Variants in API5 observed in about 807,000 individuals in gnomAD.
API5 encodes the protein apoptosis inhibitor 5, also known as FIF.
A neutral mutation model predicts 71.9 loss-of-function variants in API5; 6 were observed. The ratio of observed to expected loss-of-function variants is 0.08; its 90% confidence interval spans 0.05 to 0.16. The LOEUF is 0.16. Among genes scored for constraint, API5 ranks in the 10% least tolerant of loss-of-function variants. The pLI, the probability that API5 is intolerant of heterozygous loss-of-function variation, is 1.00. For synonymous variants in API5, 189 were observed against 221.3 expected (o/e 0.85, Z 1.30); for missense variants, 332 against 612.8 (o/e 0.54, Z 4.84).
chr11:43,316,911 T>C (rs887463003), intron 1 of API5, among the ~76,000 whole-genome samples: 2 of 152,238 alleles, frequency 1.3e-5, no homozygotes, highest in Non-Finnish European at 2.9e-5. Flanking sequence ...CTGCATTTCA[T>C]GAAGAAGTTA....
In API5 at chr11:43,320,873, T is replaced by C. The variant is rs773245544; in HGVS notation, c.284T>C (p.Leu95Pro). 1 of 1,612,194 alleles carries C rather than the reference T, an allele frequency of 6.2e-7. No homozygotes were observed. The highest frequency in any genetic ancestry group is 1.1e-5 in the South Asian group (1 of 90,934). Residue 95 changes from leucine to proline, a missense_variant, in exon 3 of 14, where the codon CTT becomes CCT. Around this residue, in one of 3 missense-constraint regions of API5, gnomAD observed 127 missense variants for 237.6 expected, o/e 0.53. Transcript: ENST00000531273. Reference sequence around the variant, plus strand: ...CCTCAATTTGCCACTGGAGAAAATCTTCCTCGAGTGGCAGATATACTAACG... The same window carrying C: ...CCTCAATTTGCCACTGGAGAAAATCCTCCTCGAGTGGCAGATATACTAACG... ...ELPQFATGEN[L>P]PRVADILTQL... is the part of the protein sequence containing the mutation.
In API5 at chr11:43,312,122, C is replaced by T. The variant is rs1854493280; in HGVS notation, c.-6C>T. 2 of 1,613,516 alleles carry T rather than the reference C, an allele frequency of 1.2e-6. No individual in the cohort carries two copies. The highest frequency in any genetic ancestry group is 3.3e-5 in the Admixed American group (2 of 60,010). On this transcript the variant is annotated 5_prime_UTR_variant, in exon 1 of 14. Coordinates refer to ENST00000531273, the MANE Select transcript of API5 (RefSeq NM_001142930.2). Reference sequence around the variant, plus strand: ...GCGGAACCGGGCCCTGGGCTTGTCGCTCACCATGCCGACAGTAGAGGAGCT... The same window carrying T: ...GCGGAACCGGGCCCTGGGCTTGTCGTTCACCATGCCGACAGTAGAGGAGCT...
chr11:43,328,916 C>T, intron 9 of API5, 23 bp downstream of exon 9: 1 of 1,611,696 alleles, frequency 6.2e-7, no homozygotes, highest in Non-Finnish European at 8.5e-7. Flanking sequence ...TGAGGTGGCT[C>T]AATCCTTGGC....
intron 11 of API5, among the ~76,000 whole-genome samples, chr11:43,334,463 G>A (rs7934240): frequency 0.56 from 85,560 of 151,898 alleles, 24,983 homozygotes; most frequent in African/African-American, 0.69. Flanking sequence ...TATATAGTAC[G>A]CTGGACTTAA....
intron 11 of API5, among the ~76,000 whole-genome samples, chr11:43,334,206 T>G (rs1480670230): frequency 6.6e-6 from 1 of 152,174 alleles, no homozygotes; most frequent in Non-Finnish European, 1.5e-5. Flanking sequence ...TTGACATTTC[T>G]TGCAATCTTT....
intron 10 of API5, 124 bp from the exon 11 acceptor site, chr11:43,330,384 G>A: frequency 1.3e-6 from 1 of 781,558 alleles, no homozygotes; most frequent in South Asian, 1.5e-5. Flanking sequence ...TTAAACCAAG[G>A]AATTCTGTAA....
rs150954471 is a variant in API5, at chr11:43,317,670, A to G, written c.70-970A>G. ...ATTCTTTGTGAATTCTATGGTATTC[A>G]TGATGATTTATTTATTTACTTGTTT... On this transcript the variant is annotated intron_variant, in intron 1 of 13. Coordinates refer to ENST00000531273, the MANE Select transcript of API5 (RefSeq NM_001142930.2). Among the ~76,000 whole-genome samples, 144 of 152,256 alleles carry G rather than the reference A, an allele frequency of 9.5e-4. 1 individual carries two copies. In the Middle Eastern group the frequency reaches 0.014, roughly 14 times the overall value.
intron 1 of API5, among the ~76,000 whole-genome samples, chr11:43,318,252 A>AC (rs1854744350): frequency 6.7e-6 from 1 of 149,576 alleles, no homozygotes; most frequent in Non-Finnish European, 1.5e-5. Context: ...CAGGTGATCC[A>AC]CCCACCTTGG....
chr11:43,336,986 C>T (rs1258764643), intron 13 of API5, among the ~76,000 whole-genome samples: 3 of 126,798 alleles, frequency 2.4e-5, no homozygotes, highest in Admixed American at 1.9e-4. Context: ...CCAGCCTAGG[C>T]GACAGAGCAA....
chr11:43,339,986 T>C (rs1855560085), intron 13 of API5, among the ~76,000 whole-genome samples: 1 of 152,110 alleles, frequency 6.6e-6, no homozygotes, highest in African/African-American at 2.4e-5. Flanking sequence ...CAAACTAGAA[T>C]GGAGAAGTCA....
chr11:43,328,950 T>A (rs764208805), intron 9 of API5, 57 bp downstream of exon 9: 17 of 1,581,220 alleles, frequency 1.1e-5, no homozygotes, highest in Admixed American at 1.7e-5. Context: ...ATCCTGAAGT[T>A]CCTTGGGTTT....
chr11:43,323,432 C>G lies in API5; in HGVS notation c.546C>G (p.Val182=). ...EELILTESKK[V]LEDVTGEEFV... ...ATTCTGAATTGTCTCTTTTCCAGGT[C>G]CTAGAAGATGTGACTGGTGAAGAAT... The change falls in exon 6 of 14, where the codon GTC becomes GTG. Residue 182 remains valine (V), a splice_region_variant and synonymous_variant. Coordinates refer to ENST00000531273, the MANE Select transcript of API5 (RefSeq NM_001142930.2). 6.2e-7 allele frequency: 1 copy of G among 1,613,068 alleles called. No homozygotes were observed. The highest frequency in any genetic ancestry group is 1.1e-5 in the South Asian group (1 of 91,020).
At chr11:43,337,144 C>A (rs113893393) in intron 13 of API5, among the ~76,000 whole-genome samples, 8 of 151,246 alleles carry the variant, frequency 5.3e-5, no homozygotes, top group African/African-American at 1.9e-4. Context: ...GGGAACAAAG[C>A]GAGACCCCAT....
Position 43,344,516 on chromosome 11 carries a change from C to T in API5, c.*2006C>T, listed in dbSNP as rs1442188527. ...CCCCTTATGCTTTTGAAATAAATTT[C>T]CTTTTGTAATTTTGTTTTGTGTCTT... On this transcript the variant is annotated 3_prime_UTR_variant, in exon 14 of 14. Transcript: ENST00000531273. The T allele has an allele frequency of 1.3e-5, 2 of 152,430 alleles. No individual in the cohort carries two copies. The highest frequency in any genetic ancestry group is 2.9e-5 in the Non-Finnish European group (2 of 67,994). 9.4% of individuals were successfully genotyped at this position (152,430 alleles called of 1,614,324 possible).
chr11:43,329,407 T>TG (rs914143398), intron 9 of API5: 6 of 155,220 alleles, frequency 3.9e-5, no homozygotes, highest in Non-Finnish European at 5.7e-5. Flanking sequence ...AACAAATCCA[T>TG]GGGGGGTAAA....
chr11:43,315,446 A>G (rs756184916), intron 1 of API5, among the ~76,000 whole-genome samples: 1 of 152,086 alleles, frequency 6.6e-6, no homozygotes, highest in Admixed American at 6.6e-5. Context: ...GCCCTTCAGT[A>G]AGCATTTCTT....
In API5 at chr11:43,330,623, ATTT is replaced by A. The variant is rs1855219496; in HGVS notation, c.1278+60_1278+62del. On this transcript the variant is annotated intron_variant, in intron 11 of 13. Coordinates refer to ENST00000531273, the MANE Select transcript of API5 (RefSeq NM_001142930.2). ...TTACCATAAAATCATACATTTATTT[ATTT>A]AAAAGTTTTGCATAAGATACTTCCA... The A allele has an allele frequency of 5.1e-6, 7 of 1,363,938 alleles. No individual in the cohort carries two copies. The East Asian group carries it at 1.7e-4, about 32-fold the overall frequency. 84.5% of individuals were successfully genotyped at this position (1,363,938 alleles called of 1,614,324 possible). A position where few individuals can be genotyped will look rare whatever the true frequency, so the allele number is the denominator to read the frequency against.
At chr11:43,312,492 C>G (rs1205719285) in intron 1 of API5, among the ~76,000 whole-genome samples, 3 of 151,892 alleles carry the variant, frequency 2.0e-5, no homozygotes, top group Non-Finnish European at 4.4e-5. Flanking sequence ...TCTCACGGAG[C>G]TTTTCTCTAC....
intron 2 of API5, among the ~76,000 whole-genome samples, chr11:43,319,180 T>G (rs1046016214): frequency 6.6e-6 from 1 of 152,220 alleles, no homozygotes; most frequent in East Asian, 1.9e-4. Flanking sequence ...AAATGTAGTT[T>G]CACTACCCTT....
Sources: gnomAD v4.1 joint callset for allele counts (sites outside exome capture counted in the v4.1 genomes callset) on GRCh38, gnomAD v4.1.1 for gene constraint, gnomAD v4.1.1 regional missense constraint, MANE v1.5 for transcripts, NCBI Gene and HGNC (gene_info 2026-07-23, HGNC 2026-07-21) for gene names.